The following CWH43 variants were observed in gnomAD, a reference collection of about 807,000 sequenced individuals.
CWH43 encodes the protein cell wall biogenesis 43 C-terminal homolog.
A neutral mutation model predicts 85.7 loss-of-function variants in CWH43; 91 were observed. The observed-to-expected ratio is 1.06, with a 90% CI of 0.90 to 1.26. The LOEUF is 1.26. CWH43 is among the 50% of genes most tolerant of loss of function. The pLI is 0.00. For missense variants in CWH43, 869 were observed against 839.2 expected, an observed-to-expected ratio of 1.04 and a Z score of -0.44; for synonymous variants, 323 against 293.6, an observed-to-expected ratio of 1.10 and a Z score of -1.02.
At chr4:49,003,627 A>T in intron 6 of CWH43, 108 bp from the exon 7 acceptor site, 2 of 1,036,278 alleles carry the variant, frequency 1.9e-6, no homozygotes, top group South Asian at 1.6e-5. Context: ...CTGTCTGGAG[A>T]TTGGATCAGT....
At chr4:49,013,227 G>A (rs188760056) in intron 8 of CWH43, among the ~76,000 whole-genome samples, 6 of 152,244 alleles carry the variant, frequency 3.9e-5, no homozygotes, top group East Asian at 1.9e-4. Flanking sequence ...ACCAGGCTGC[G>A]CCTTGGAGGT....
At chr4:49,020,384 T>TACACAC (rs35489918) in intron 9 of CWH43, among the ~76,000 whole-genome samples, 94 of 120,158 alleles carry the variant, frequency 7.8e-4, no homozygotes, top group African/African-American at 2.2e-3. Context: ...AGTATTCCAT[T>TACACAC]ACACACACAC....
At chr4:49,043,407 G>T (rs1784528112) in intron 13 of CWH43, among the ~76,000 whole-genome samples, 1 of 152,216 alleles carries the variant, frequency 6.6e-6, no homozygotes, top group African/African-American at 2.4e-5. Flanking sequence ...GCACGTGAGT[G>T]TGTGTGAGGG....
chr4:49,052,314 A>G lies in CWH43; in HGVS notation c.2021+1465A>G, dbSNP rs533692523. 2.8e-4 allele frequency among the ~76,000 whole-genome samples: 43 copies of G among 152,254 alleles called. No homozygotes were observed. In the South Asian group the frequency reaches 8.1e-3, roughly 29 times the overall value. The stretch of plus-strand genomic sequence containing the variant: ...GTGAACAGCTTGGTAACTGTGGGCC[A>G]GTTGCTTAACCTCTCTGAGCCTCAA... On this transcript the variant is annotated intron_variant, in intron 15 of 15. Transcript: ENST00000226432.
Position 49,007,239 on chromosome 4 carries a change from G to C in CWH43, c.1099G>C (p.Gly367Arg). Residue 367 changes from glycine to arginine, a missense_variant, in exon 8 of 16, where the codon GGT becomes CGT. Physicochemically the swap from Gly to Arg is moderately radical, Grantham distance 125 (BLOSUM62 -2). Coordinates refer to ENST00000226432, the MANE Select transcript of CWH43 (RefSeq NM_025087.3). ...MLIIGLNMLF[G>R]PKKNLDLLLQ... is the part of the protein sequence containing the mutation. ...AATTATCGGGCTGAATATGCTATTT[G>C]GTCCTAAGAAAAACCTTGACTTGCT... The C allele has an allele frequency of 6.2e-7, 1 of 1,611,234 alleles. No individual in the cohort carries two copies. The highest frequency in any genetic ancestry group is 8.5e-7 in the Non-Finnish European group (1 of 1,178,716).
At chr4:49,042,250 C>G (rs1270802174) in intron 13 of CWH43, among the ~76,000 whole-genome samples, 1 of 152,114 alleles carries the variant, frequency 6.6e-6, no homozygotes, top group Non-Finnish European at 1.5e-5. Context: ...CCATGGGCTA[C>G]TTGGGCCTCC....
intron 8 of CWH43, among the ~76,000 whole-genome samples, chr4:49,015,301 T>G (rs1783512052): frequency 6.6e-6 from 1 of 152,044 alleles, no homozygotes; most frequent in Non-Finnish European, 1.5e-5. Flanking sequence ...CCACTCCTCT[T>G]TCTAGTTTGG....
In CWH43 at chr4:48,992,136, C is replaced by G; in HGVS notation, c.511+46C>G. ...TTTTCTCTTTGCAGAGCTTACCTTTCCTATGTGAATGTTGCACATCTTGGA... is the reference window on the plus strand; with the variant it reads ...TTTTCTCTTTGCAGAGCTTACCTTTGCTATGTGAATGTTGCACATCTTGGA... On this transcript the variant is annotated intron_variant, in intron 4 of 15. Transcript: ENST00000226432. The surrounding 1 kb of genome is among the most constrained non-coding windows in gnomAD (Gnocchi z 4.3). 6.7e-7 allele frequency: 1 copy of G among 1,490,182 alleles called. No homozygotes were observed. The allele number at this position is 1,490,182 out of a possible 1,614,324, so 92.3% of individuals were successfully genotyped here. A position where few individuals can be genotyped will look rare whatever the true frequency, so the allele number is the denominator to read the frequency against.
At chr4:49,022,769 A>G (rs1240787133) in intron 9 of CWH43, among the ~76,000 whole-genome samples, 2 of 151,880 alleles carry the variant, frequency 1.3e-5, no homozygotes, top group Non-Finnish European at 2.9e-5. Context: ...TCCTGGTTTA[A>G]TCTAGGAGGG....
intron 9 of CWH43, among the ~76,000 whole-genome samples, chr4:49,019,363 G>A (rs1295772238): frequency 3.3e-5 from 5 of 151,964 alleles, no homozygotes; most frequent in South Asian, 2.1e-4. Flanking sequence ...GTTGGCAGAA[G>A]GAACACATAT....
intron 6 of CWH43, 64 bp from the exon 7 acceptor site, chr4:49,003,671 A>G (rs1443393786): frequency 5.8e-6 from 9 of 1,560,774 alleles, no homozygotes; most frequent in Non-Finnish European, 7.9e-6. Flanking sequence ...CCTAAAGGCT[A>G]TAAATTGGTC....
At chr4:49,018,359 G>A (rs1419073913) in intron 9 of CWH43, among the ~76,000 whole-genome samples, 1 of 152,110 alleles carries the variant, frequency 6.6e-6, no homozygotes, top group Non-Finnish European at 1.5e-5. Flanking sequence ...ATTTGGTAGG[G>A]ACACAGATTC....
At chr4:48,991,880 G>T in intron 3 of CWH43, 56 bp from the exon 4 acceptor site, 1 of 1,410,828 alleles carries the variant, frequency 7.1e-7, no homozygotes. Flanking sequence ...ATTCATGATG[G>T]ACATAGTACA....
intron 1 of CWH43, among the ~76,000 whole-genome samples, chr4:48,987,051 G>A (rs921267991): frequency 6.6e-6 from 1 of 152,094 alleles, no homozygotes; most frequent in African/African-American, 2.4e-5. Context: ...CAATTTTATT[G>A]GTGTAATTCT....
At chr4:49,014,373 G>A (rs1335273224) in intron 8 of CWH43, among the ~76,000 whole-genome samples, 1 of 151,788 alleles carries the variant, frequency 6.6e-6, no homozygotes, top group Non-Finnish European at 1.5e-5. Context: ...GGGTGAAGTG[G>A]GAGGATCTTT....
intron 8 of CWH43, chr4:49,017,026 G>C: frequency 1.3e-6 from 1 of 762,210 alleles, no homozygotes. Flanking sequence ...TAGGCAGTTG[G>C]GGGAGAGCAA....
At chr4:49,011,041 C>T (rs1783340572) in intron 8 of CWH43, among the ~76,000 whole-genome samples, 1 of 152,154 alleles carries the variant, frequency 6.6e-6, no homozygotes, top group African/African-American at 2.4e-5. Context: ...TGTTAACCTT[C>T]TGTCTCATTG....
At chr4:49,021,202 C>T (rs1783742140) in intron 9 of CWH43, among the ~76,000 whole-genome samples, 1 of 152,166 alleles carries the variant, frequency 6.6e-6, no homozygotes, top group Non-Finnish European at 1.5e-5. Context: ...AGATCTAAGT[C>T]TTTGATCCAT....
intron 14 of CWH43, among the ~76,000 whole-genome samples, chr4:49,046,421 A>G (rs1784625573): frequency 6.6e-6 from 1 of 152,172 alleles, no homozygotes; most frequent in Admixed American, 6.6e-5. Context: ...AAAAAAACAA[A>G]ATCCTTGACT....
Sources: gnomAD v4.1 joint callset for allele counts (sites outside exome capture counted in the v4.1 genomes callset) on GRCh38, gnomAD v4.1.1 for gene constraint, Gnocchi (gnomAD v3.1) non-coding constraint, MANE v1.5 for transcripts, NCBI Gene and HGNC (gene_info 2026-07-23, HGNC 2026-07-21) for gene names.